Variants in ASIC2 observed in about 807,000 individuals in gnomAD.
ASIC2 encodes the protein acid-sensing ion channel 2.
Under a neutral mutation model 57.3 loss-of-function variants are expected in ASIC2, and 25 were observed. The ratio of observed to expected loss-of-function variants is 0.44; its 90% CI spans 0.32 to 0.61. The LOEUF (loss-of-function observed/expected upper bound fraction) is 0.61, where lower values mean the gene tolerates loss of function less well. Among genes scored for constraint, ASIC2 ranks in the 20% least tolerant of loss-of-function variants. The pLI is 0.06. For synonymous variants in ASIC2, 319 were observed against 307.5 expected (o/e 1.04, Z -0.39); for missense variants, 641 against 738.1 (o/e 0.87, Z 1.52).
rs563577239 is a variant in ASIC2, at chr17:33,720,534, T to C, written c.555+435444A>G. The stretch of plus-strand genomic sequence containing the variant: ...TTCATGAACATATGTCTTGATTTAC[T>C]ATATAAAGGGTTCAGTTCTAGTAAC... On this transcript the variant is annotated intron_variant, in intron 1 of 9. Transcript: ENST00000359872. 7.9e-4 allele frequency among the ~76,000 whole-genome samples: 120 copies of C among 152,324 alleles called. 1 individual carries two copies. The highest frequency in any genetic ancestry group is 1.3e-3 in the Non-Finnish European group (87 of 68,032).
chr17:33,802,554 C>G (rs375714461), intron 1 of ASIC2, among the ~76,000 whole-genome samples: 3 of 152,196 alleles, frequency 2.0e-5, no homozygotes, highest in African/African-American at 7.2e-5. Flanking sequence ...GTGTGTGGAA[C>G]CTGCTTTGAA....
At chr17:33,345,774 A>T (rs1358540420) in intron 1 of ASIC2, among the ~76,000 whole-genome samples, 1 of 152,200 alleles carries the variant, frequency 6.6e-6, no homozygotes, top group African/African-American at 2.4e-5. Context: ...AATGGGAGTG[A>T]TATGATCTGA....
intron 1 of ASIC2, among the ~76,000 whole-genome samples, chr17:33,135,088 G>C (rs548545285): frequency 1.3e-5 from 2 of 152,234 alleles, no homozygotes; most frequent in Admixed American, 6.5e-5. Context: ...GCTAATAAGT[G>C]GTAAAATGGG....
chr17:33,275,500 G>A (rs918959675), intron 1 of ASIC2, among the ~76,000 whole-genome samples: 1 of 152,154 alleles, frequency 6.6e-6, no homozygotes, highest in Non-Finnish European at 1.5e-5. Context: ...TGTGTGTGTC[G>A]TAAACTAGCA....
chr17:33,391,479 C>T (rs979157006), intron 1 of ASIC2, among the ~76,000 whole-genome samples: 8 of 152,208 alleles, frequency 5.3e-5, no homozygotes, highest in African/African-American at 1.9e-4. Context: ...CTTAGTCCTC[C>T]CCCTGCACTA....
intron 1 of ASIC2, among the ~76,000 whole-genome samples, chr17:33,505,131 C>A (rs2141944551): frequency 6.6e-6 from 1 of 152,112 alleles, no homozygotes; most frequent in Middle Eastern, 3.4e-3. Flanking sequence ...TGATAGTGTA[C>A]AAGGCAGTTC....
intron 1 of ASIC2, among the ~76,000 whole-genome samples, chr17:33,957,600 T>A (rs1488980286): frequency 6.6e-6 from 1 of 152,132 alleles, no homozygotes; most frequent in African/African-American, 2.4e-5. Context: ...TTATTCTCTA[T>A]CATGAGAATA....
chr17:33,040,043 G>A (rs2091923882), intron 3 of ASIC2, among the ~76,000 whole-genome samples: 1 of 152,226 alleles, frequency 6.6e-6, no homozygotes, highest in African/African-American at 2.4e-5. Flanking sequence ...GAGGCTAGAT[G>A]TTAAGATATT....
intron 2 of ASIC2, among the ~76,000 whole-genome samples, chr17:33,109,663 C>A (rs910140682): frequency 6.6e-6 from 1 of 152,202 alleles, no homozygotes; most frequent in Non-Finnish European, 1.5e-5. Context: ...TGATGATGAC[C>A]TGCGCAGTGT....
chr17:34,033,058 T>C (rs1907691864), intron 1 of ASIC2, among the ~76,000 whole-genome samples: 1 of 152,184 alleles, frequency 6.6e-6, no homozygotes, highest in African/African-American at 2.4e-5. Context: ...CAACAGAATA[T>C]ACATTCTTTT....
At chr17:33,019,811 C>G (rs1440660687) in intron 7 of ASIC2, among the ~76,000 whole-genome samples, 1 of 151,958 alleles carries the variant, frequency 6.6e-6, no homozygotes. Flanking sequence ...CTCTCTCTCT[C>G]TCTCTCTGTG....
chr17:34,008,771 G>A (rs1388379074), intron 1 of ASIC2, among the ~76,000 whole-genome samples: 2 of 152,132 alleles, frequency 1.3e-5, no homozygotes, highest in African/African-American at 4.8e-5. Flanking sequence ...CAGCACCCTG[G>A]TTCTTCCTTG....
At chr17:33,054,120 A>C (rs2091988575) in intron 3 of ASIC2, among the ~76,000 whole-genome samples, 2 of 151,908 alleles carry the variant, frequency 1.3e-5, no homozygotes, top group Non-Finnish European at 2.9e-5. Context: ...TTCTGCCAAG[A>C]TGCCTTCTCC....
intron 1 of ASIC2, chr17:34,036,674 GAATTT>G (rs1243449375): frequency 1.7e-5 from 2 of 114,922 alleles, no homozygotes; most frequent in Non-Finnish European, 3.4e-5. Context: ...TTGATACTTT[GAATTT>G]GTTTTTTTTT....
chr17:33,894,733 C>T (rs1418130602), intron 1 of ASIC2, among the ~76,000 whole-genome samples: 1 of 152,022 alleles, frequency 6.6e-6, no homozygotes, highest in African/African-American at 2.4e-5. Context: ...TTCAAGACAC[C>T]TTATTGATGT....
chr17:33,841,664 G>T (rs952840897), intron 1 of ASIC2, among the ~76,000 whole-genome samples: 7 of 152,322 alleles, frequency 4.6e-5, no homozygotes, highest in South Asian at 2.1e-4. Context: ...AGCTCCAGGG[G>T]TTATCTTCAG....
intron 1 of ASIC2, among the ~76,000 whole-genome samples, chr17:33,943,387 G>A (rs1443055440): frequency 2.0e-5 from 3 of 152,122 alleles, no homozygotes; most frequent in African/African-American, 7.2e-5. Context: ...GGGAGACAAC[G>A]GAAGAAATGA....
At chr17:33,332,781 C>T (rs1045420628) in intron 1 of ASIC2, among the ~76,000 whole-genome samples, 1 of 152,148 alleles carries the variant, frequency 6.6e-6, no homozygotes, top group African/African-American at 2.4e-5. Flanking sequence ...GTCCCAGCTA[C>T]TCAGGAGGCT....
chr17:34,145,947 G>T (rs1227890868), intron 1 of ASIC2, among the ~76,000 whole-genome samples: 1 of 152,214 alleles, frequency 6.6e-6, no homozygotes, highest in South Asian at 2.1e-4. Flanking sequence ...GCTGGTAGAA[G>T]GGTAGGAAAG....
Sources: allele counts gnomAD v4.1 joint callset (sites outside exome capture counted in the v4.1 genomes callset), GRCh38; gene constraint gnomAD v4.1.1; transcripts MANE v1.5; gene names NCBI Gene and HGNC (gene_info 2026-07-23, HGNC 2026-07-21).